Variants in KCNK9 observed in about 807,000 individuals in gnomAD.
The protein encoded by KCNK9 is potassium two pore domain channel subfamily K member 9, also known as potassium channel subfamily K member 9.
In KCNK9, 1 loss-of-function variant was observed where a neutral mutation model predicts 10.8. The ratio of observed to expected loss-of-function variants is 0.09; its 90% confidence interval spans 0.03 to 0.44. The LOEUF (loss-of-function observed/expected upper bound fraction) is 0.44. KCNK9 is among the 20% of genes least tolerant of loss of function. The pLI, the probability that KCNK9 is intolerant of heterozygous loss-of-function variation, is 0.97. For missense variants in KCNK9, 303 were observed against 515.0 expected, an observed-to-expected ratio of 0.59 and a Z score of 3.98; for synonymous variants, 231 against 222.7, an observed-to-expected ratio of 1.04 and a Z score of -0.33.
downstream of KCNK9, chr8:139,616,893 C>T (rs1814608005): frequency 8.3e-6 from 1 of 120,932 alleles, no homozygotes; most frequent in Non-Finnish European, 1.7e-5. Flanking sequence ...GTGCCATATT[C>T]TACAGCCTGA....
At chr8:139,661,993 G>A (rs1408649627) in intron 1 of KCNK9, among the ~76,000 whole-genome samples, 5 of 152,256 alleles carry the variant, frequency 3.3e-5, no homozygotes, top group Non-Finnish European at 7.3e-5. Flanking sequence ...GGACCAAGGT[G>A]TGTCGAGAGG....
At chr8:139,686,194 T>C (rs1423824758) in intron 1 of KCNK9, among the ~76,000 whole-genome samples, 1 of 152,218 alleles carries the variant, frequency 6.6e-6, no homozygotes, top group Non-Finnish European at 1.5e-5. Context: ...ATTCAGGACA[T>C]AGTCATGGGC....
At chr8:139,659,917 T>C (rs972838691) in intron 1 of KCNK9, among the ~76,000 whole-genome samples, 5 of 152,052 alleles carry the variant, frequency 3.3e-5, no homozygotes, top group African/African-American at 1.2e-4. Context: ...TTTGTGTGTA[T>C]ACCAGAAACA....
At chr8:139,687,609 TGTATAC>T (rs1816841525) in intron 1 of KCNK9, among the ~76,000 whole-genome samples, 1 of 79,258 alleles carries the variant, frequency 1.3e-5, no homozygotes, top group Non-Finnish European at 2.8e-5. Context: ...TGTATACATA[TGTATAC>T]ATATATATTC....
chr8:139,621,522 G>GT (rs1814781599), intron 1 of KCNK9, among the ~76,000 whole-genome samples: 1 of 152,204 alleles, frequency 6.6e-6, no homozygotes. Flanking sequence ...CCAGGAAGCA[G>GT]TGGAAGCACG....
At chr8:139,648,237 G>A (rs1028811970) in intron 1 of KCNK9, among the ~76,000 whole-genome samples, 22 of 152,118 alleles carry the variant, frequency 1.4e-4, no homozygotes, top group African/African-American at 3.6e-4. Flanking sequence ...GACAGAAAGT[G>A]GATCACTGGC....
At chr8:139,654,816 C>T (rs1303240093) in intron 1 of KCNK9, among the ~76,000 whole-genome samples, 1 of 152,214 alleles carries the variant, frequency 6.6e-6, no homozygotes, top group Non-Finnish European at 1.5e-5. Flanking sequence ...ATGCACAGAG[C>T]CCCTGTGGCA....
At chr8:139,675,826 T>A (rs1420323646) in intron 1 of KCNK9, among the ~76,000 whole-genome samples, 1 of 152,122 alleles carries the variant, frequency 6.6e-6, no homozygotes, top group East Asian at 1.9e-4. Context: ...TGACAGAACC[T>A]GTTGGTGTTC....
chr8:139,673,047 G>A (rs1422332246), intron 1 of KCNK9, among the ~76,000 whole-genome samples: 8 of 152,160 alleles, frequency 5.3e-5, no homozygotes, highest in South Asian at 2.1e-4. Flanking sequence ...AACGGGATTC[G>A]GGCAAGGAGA....
At chr8:139,637,512 T>C (rs1306328832) in intron 1 of KCNK9, among the ~76,000 whole-genome samples, 13 of 152,184 alleles carry the variant, frequency 8.5e-5, no homozygotes, top group Admixed American at 8.5e-4. Flanking sequence ...GAAGAAATTA[T>C]GCTAAGTGCA....
At chr8:139,620,952 A>C (rs1322970933) in intron 1 of KCNK9, among the ~76,000 whole-genome samples, 2 of 152,172 alleles carry the variant, frequency 1.3e-5, no homozygotes, top group East Asian at 1.9e-4. Context: ...CCAGAAGGAA[A>C]GAGAATCAGA....
chr8:139,657,380 G>C (rs1348062736), intron 1 of KCNK9, among the ~76,000 whole-genome samples: 1 of 152,182 alleles, frequency 6.6e-6, no homozygotes, highest in Non-Finnish European at 1.5e-5. Flanking sequence ...ACAGGAAGCT[G>C]CTTCCACCCT....
Position 139,702,887 on chromosome 8 carries a change from G to A in KCNK9, c.106C>T (p.Arg36Cys). 1.9e-6 allele frequency: 3 copies of A among 1,613,796 alleles called. No homozygotes were observed. Among genetic ancestry groups the A allele is most frequent in the African/African-American group, 1.3e-5 (1 of 74,974 alleles). Reference sequence around the variant, plus strand: ...TCGGCTTTGAGTTTCTCCTCCTCGCGCATCTCGTGGTCCGACTCGAGGGCG... The same window carrying A: ...TCGGCTTTGAGTTTCTCCTCCTCGCACATCTCGTGGTCCGACTCGAGGGCG... The part of the protein sequence containing the change: ...FDALESDHEM[R>C]EEEKLKAEEI... Residue 36 changes from arginine to cysteine, a missense_variant, in exon 1 of 2, where the codon CGC becomes TGC. This residue lies in a region of KCNK9 where 58 missense variants were observed against 102.4 expected (regional missense o/e 0.57). Transcript: ENST00000520439. This position sits in a 1 kb window ranked among gnomAD's most constrained non-coding sequence, Gnocchi z 7.5.
intron 1 of KCNK9, among the ~76,000 whole-genome samples, chr8:139,624,119 G>A (rs1275380873): frequency 7.9e-5 from 12 of 152,190 alleles, no homozygotes; most frequent in Non-Finnish European, 2.9e-5. Context: ...AGGGTACAAA[G>A]CCCCTGCACA....
chr8:139,613,893 C>G (rs2130092643), downstream of KCNK9, among the ~76,000 whole-genome samples: 1 of 152,370 alleles, frequency 6.6e-6, no homozygotes, highest in Non-Finnish European at 1.5e-5. Context: ...CACAGTTTGC[C>G]AGAGTGCTTC....
chr8:139,663,809 TGAGA>T (rs1181090217), intron 1 of KCNK9, among the ~76,000 whole-genome samples: 1 of 151,898 alleles, frequency 6.6e-6, no homozygotes, highest in Non-Finnish European at 1.5e-5. Flanking sequence ...TCCCCAGAAA[TGAGA>T]GAGACAACAT....
chr8:139,673,003 A>G (rs76678732), intron 1 of KCNK9, among the ~76,000 whole-genome samples: 6,088 of 152,290 alleles, frequency 0.04, 250 homozygotes, highest in African/African-American at 0.1. Context: ...AAATAAATGA[A>G]TAACCAGAGG....
At chr8:139,612,919 G>T (rs900169066), downstream of KCNK9, among the ~76,000 whole-genome samples, 2 of 152,170 alleles carry the variant, frequency 1.3e-5, no homozygotes, top group African/African-American at 4.8e-5. Context: ...GACAGAAATG[G>T]TGATGGGGAC....
chr8:139,672,213 C>T (rs1309007327), intron 1 of KCNK9, among the ~76,000 whole-genome samples: 9 of 152,150 alleles, frequency 5.9e-5, no homozygotes, highest in African/African-American at 2.2e-4. Flanking sequence ...GGACAGGACA[C>T]ACACCACCCA....
Sources: gnomAD v4.1 joint callset for allele counts (sites outside exome capture counted in the v4.1 genomes callset) on GRCh38, gnomAD v4.1.1 for gene constraint, gnomAD v4.1.1 regional missense constraint, Gnocchi (gnomAD v3.1) non-coding constraint, MANE v1.5 for transcripts, NCBI Gene and HGNC (gene_info 2026-07-23, HGNC 2026-07-21) for gene names.